Variants in PRKDC observed in about 807,000 individuals in gnomAD.
The protein encoded by PRKDC is protein kinase, DNA-activated, catalytic subunit.
Under a neutral mutation model 486.9 loss-of-function variants are expected in PRKDC, and 82 were observed. That is an observed-to-expected ratio of 0.17 (90% CI 0.14 to 0.20). PRKDC has a LOEUF of 0.20. PRKDC is among the 10% of genes least tolerant of loss of function. PRKDC has a pLI of 1.00. For missense variants in PRKDC, 4,504 were observed against 5,038.2 expected (o/e 0.89, Z 3.21); for synonymous variants, 1,895 against 1,837.0 (o/e 1.03, Z -0.81).
chr8:47,927,931 C>T (rs1203480764), intron 19 of PRKDC, 41 bp from the exon 20 acceptor site: 5 of 1,392,526 alleles, frequency 3.6e-6, no homozygotes, highest in Non-Finnish European at 4.7e-6. Context: ...CTGAATAGAG[C>T]CTACATTTGA....
chr8:47,915,254 T>C lies in PRKDC; in HGVS notation c.2617+74A>G, dbSNP rs908817496. The stretch of plus-strand genomic sequence containing the variant: ...CATATAGGAGCAAATATTCAGAATA[T>C]ATTATGACCTGGATACATCCAAATA... On this transcript the variant is annotated intron_variant, in intron 23 of 85. Transcript: ENST00000314191. 7 of 794,190 alleles carry C rather than the reference T, an allele frequency of 8.8e-6. No individual in the cohort carries two copies. The African/African-American group carries it at 1.3e-4, about 14-fold the overall frequency. The allele number at this position is 794,190 out of a possible 1,614,324, so 49.2% of individuals were successfully genotyped here.
intron 61 of PRKDC, among the ~76,000 whole-genome samples, chr8:47,829,296 A>G (rs903578659): frequency 2.0e-5 from 3 of 152,152 alleles, no homozygotes; most frequent in Non-Finnish European, 4.4e-5. Flanking sequence ...ATGATAATCC[A>G]TTTTTGATGT....
At chr8:47,838,750 A>G (rs2088080063) in intron 56 of PRKDC, among the ~76,000 whole-genome samples, 1 of 152,218 alleles carries the variant, frequency 6.6e-6, no homozygotes, top group Admixed American at 6.5e-5. Flanking sequence ...TATATAACTA[A>G]TATTACAGTT....
At chr8:47,943,929 A>C in intron 8 of PRKDC, 45 bp downstream of exon 8, 5 of 1,562,312 alleles carry the variant, frequency 3.2e-6, no homozygotes, top group South Asian at 2.3e-5. Context: ...GAAAGTCTGC[A>C]CTGTAAAGGC....
intron 66 of PRKDC, 81 bp downstream of exon 66, chr8:47,820,638 G>T: frequency 1.2e-6 from 1 of 849,886 alleles, no homozygotes; most frequent in Non-Finnish European, 1.6e-6. Context: ...CCTAAAAATA[G>T]TATATTTCAG....
intron 3 of PRKDC, among the ~76,000 whole-genome samples, chr8:47,956,436 G>A (rs961237845): frequency 1.4e-4 from 21 of 150,790 alleles, no homozygotes; most frequent in Admixed American, 5.9e-4. Flanking sequence ...AGTGTGGTTC[G>A]TGCCTGTAAG....
intron 7 of PRKDC, among the ~76,000 whole-genome samples, chr8:47,951,890 C>T (rs900211370): frequency 2.6e-5 from 4 of 152,130 alleles, no homozygotes; most frequent in South Asian, 2.1e-4. Context: ...ATCAGGGAAA[C>T]GGAAATCAAA....
intron 69 of PRKDC, among the ~76,000 whole-genome samples, chr8:47,805,488 CTT>C (rs941268702): frequency 1.3e-5 from 2 of 152,126 alleles, no homozygotes; most frequent in African/African-American, 4.8e-5. Context: ...TTGTTTGACT[CTT>C]TGTTGTTCAG....
chr8:47,773,982 C>T lies in PRKDC; in HGVS notation c.*191G>A, dbSNP rs8178268. On this transcript the variant is annotated 3_prime_UTR_variant, in exon 86 of 86. Transcript: ENST00000314191. ...CACCTAATCTTTGATGTTACTATAA[C>T]CTTATCTTTGATTTAACCCATACAC... is the stretch of plus-strand genomic sequence containing the variant. 6.4e-4 allele frequency: 372 copies of T among 576,830 alleles called. 2 individuals carry two copies. In the African/African-American group the frequency reaches 6.5e-3, roughly 10 times the overall value. 35.7% of individuals were successfully genotyped at this position (576,830 alleles called of 1,614,324 possible).
intron 63 of PRKDC, 133 bp downstream of exon 63, chr8:47,826,523 T>A: frequency 1.1e-6 from 1 of 941,072 alleles, no homozygotes; most frequent in South Asian, 1.9e-5. Context: ...CCTGAAAGAC[T>A]TTTCTTTTAA....
At chr8:47,936,626 C>CT (rs901353874) in intron 11 of PRKDC, 109 bp from the exon 12 acceptor site, 16,049 of 1,096,180 alleles carry the variant, frequency 0.015, no homozygotes, top group South Asian at 0.017. Flanking sequence ...AACAAGGCTT[C>CT]TTTTTTTTTT....
At chr8:47,861,344 G>A (rs1262442164) in intron 44 of PRKDC, among the ~76,000 whole-genome samples, 1 of 152,158 alleles carries the variant, frequency 6.6e-6, no homozygotes, top group Admixed American at 6.5e-5. Flanking sequence ...AAATATAGAA[G>A]TAACATACAG....
At chr8:47,786,229 G>A (rs2086788907) in intron 76 of PRKDC, among the ~76,000 whole-genome samples, 1 of 151,874 alleles carries the variant, frequency 6.6e-6, no homozygotes, top group South Asian at 2.1e-4. Context: ...TGGCCAATAT[G>A]GTGAAACCCC....
chr8:47,818,920 G>A (rs965531544), intron 67 of PRKDC, among the ~76,000 whole-genome samples: 4 of 152,202 alleles, frequency 2.6e-5, no homozygotes, highest in Non-Finnish European at 5.9e-5. Flanking sequence ...ACTCATCAGC[G>A]ATACAAAGGC....
chr8:47,936,678 G>A (rs2090358052), intron 11 of PRKDC, among the ~76,000 whole-genome samples, 161 bp from the exon 12 acceptor site: 2 of 151,796 alleles, frequency 1.3e-5, no homozygotes, highest in East Asian at 2.0e-4. Context: ...GTGCAATGGC[G>A]TGATCTCAGC....
At chr8:47,881,717 T>G (rs1264848810) in intron 37 of PRKDC, among the ~76,000 whole-genome samples, 195 bp downstream of exon 37, 2 of 152,252 alleles carry the variant, frequency 1.3e-5, no homozygotes, top group Admixed American at 6.5e-5. Context: ...TTTAAAAAGA[T>G]ATAGCATAAG....
chr8:47,818,071 A>G (rs1192731528), intron 67 of PRKDC, among the ~76,000 whole-genome samples: 2 of 152,200 alleles, frequency 1.3e-5, no homozygotes, highest in Non-Finnish European at 2.9e-5. Context: ...CAGCAAAGAG[A>G]TTCATAATAA....
chr8:47,955,543 T>C (rs546501619), intron 4 of PRKDC, among the ~76,000 whole-genome samples: 5 of 146,246 alleles, frequency 3.4e-5, no homozygotes, highest in African/African-American at 1.0e-4. Context: ...CTCAGAGATA[T>C]AAGGTGATCT....
intron 21 of PRKDC, among the ~76,000 whole-genome samples, chr8:47,919,544 G>A (rs535444778): frequency 2.0e-5 from 3 of 152,298 alleles, no homozygotes; most frequent in South Asian, 4.1e-4. Flanking sequence ...GAGCTGCGCC[G>A]CGGGAGGGCA....
Sources: allele counts gnomAD v4.1 joint callset (sites outside exome capture counted in the v4.1 genomes callset), GRCh38; gene constraint gnomAD v4.1.1; transcripts MANE v1.5; gene names NCBI Gene and HGNC (gene_info 2026-07-23, HGNC 2026-07-21).